Variants in KLK13 observed in about 807,000 individuals in gnomAD.
KLK13 encodes the protein kallikrein related peptidase 13, also known as kallikrein-13.
KLK13 carries 19 observed loss-of-function variants against 22.4 expected under a neutral mutation model. That is an observed-to-expected ratio of 0.85 (90% confidence interval 0.59 to 1.24). KLK13 has a LOEUF of 1.24. Ranked by LOEUF, KLK13 falls within the 50% of genes most tolerant of loss-of-function variation. The probability of loss-of-function intolerance (pLI) is 0.00; values close to 1 mark genes in which losing one functional copy is unlikely to be tolerated. For missense variants in KLK13, 311 were observed against 347.9 expected, an observed-to-expected ratio of 0.89 and a Z score of 0.84; for synonymous variants, 156 against 141.8, an observed-to-expected ratio of 1.10 and a Z score of -0.71.
At chr19:51,057,991 G>A (rs1245821029) in intron 4 of KLK13, among the ~76,000 whole-genome samples, 1 of 152,192 alleles carries the variant, frequency 6.6e-6, no homozygotes, top group Admixed American at 6.5e-5. Flanking sequence ...TCATGCTTAA[G>A]ACTTTTGTGT....
At chr19:51,064,733 T>G (rs10500306) in intron 1 of KLK13, 1 of 637,330 alleles carries the variant, frequency 1.6e-6, no homozygotes, top group Non-Finnish European at 2.9e-6. Flanking sequence ...CGCGAACCCA[T>G]GTCTTTCAGC....
intron 1 of KLK13, chr19:51,063,665 G>A (rs1477683755): frequency 3.5e-5 from 16 of 456,684 alleles, no homozygotes; most frequent in Non-Finnish European, 6.2e-5. Context: ...GAGTGGCACG[G>A]GCATGAATCC....
At chr19:51,063,582 C>T (rs1253854913) in intron 1 of KLK13, 2 of 444,190 alleles carry the variant, frequency 4.5e-6, no homozygotes, top group South Asian at 1.6e-5. Flanking sequence ...TACAATGCAC[C>T]TACCTCGCCA....
chr19:51,061,863 A>G (rs2091734487), intron 1 of KLK13, among the ~76,000 whole-genome samples: 1 of 151,408 alleles, frequency 6.6e-6, no homozygotes, highest in South Asian at 2.1e-4. Context: ...CCCATCTCCA[A>G]CCTCTTTCTT....
intron 1 of KLK13, among the ~76,000 whole-genome samples, chr19:51,063,087 T>C (rs543043079): frequency 3.0e-4 from 46 of 152,246 alleles, no homozygotes; most frequent in South Asian, 1.0e-3. Context: ...TAATATGGTT[T>C]TAACACCTCC....
chr19:51,064,796 T>G (rs2091765305), intron 1 of KLK13: 3 of 613,814 alleles, frequency 4.9e-6, no homozygotes, highest in Non-Finnish European at 8.8e-6. Flanking sequence ...TGCGAGGGTA[T>G]TTTGGGAGGT....
intron 3 of KLK13, 151 bp from the exon 4 acceptor site, chr19:51,058,825 A>G (rs2091699670): frequency 1.3e-6 from 1 of 765,448 alleles, no homozygotes; most frequent in Non-Finnish European, 2.2e-6. Flanking sequence ...ATCTGGGTAA[A>G]GCAACGGAAG....
chr19:51,059,595 A>T, intron 3 of KLK13: 1 of 244,536 alleles, frequency 4.1e-6, no homozygotes, highest in Non-Finnish European at 7.4e-6. Context: ...ATATTCATAT[A>T]TTAGATCTAT....
chr19:51,056,682 C>A lies in KLK13; in HGVS notation c.739G>T (p.Val247Phe). 6.2e-7 allele frequency: 1 copy of A among 1,614,120 alleles called. No individual in the cohort carries two copies. Among genetic ancestry groups the A allele is most frequent in the Non-Finnish European group, 8.5e-7 (1 of 1,180,024 alleles). ...FPCGQPDRPG[V>F]YTRVSRYVLW... ...ACGTATCTTGAGACACGGGTGTAGA[C>A]ACCAGGCCGGTCAGGTTGCCCACAT... The change falls in exon 5 of 5, where the codon GTC becomes TTC. Residue 247 changes from valine (V) to phenylalanine (F), a missense_variant. Physicochemically the swap from Val to Phe is conservative, Grantham distance 50. Coordinates refer to ENST00000595793, the MANE Select transcript of KLK13 (RefSeq NM_015596.3).
At chr19:51,062,401 A>G (rs920397255) in intron 1 of KLK13, among the ~76,000 whole-genome samples, 8 of 152,140 alleles carry the variant, frequency 5.3e-5, no homozygotes, top group African/African-American at 1.7e-4. Flanking sequence ...CAGAACAATG[A>G]TTGCTATTCA....
intron 1 of KLK13, among the ~76,000 whole-genome samples, chr19:51,061,181 TCATC>T (rs57784587): frequency 0.49 from 69,876 of 143,658 alleles, 17,059 homozygotes; most frequent in African/African-American, 0.57. Context: ...GTCCATTTAT[TCATC>T]CATCCATCCA....
At chr19:51,061,893 C>G (rs1039096382) in intron 1 of KLK13, among the ~76,000 whole-genome samples, 2 of 152,136 alleles carry the variant, frequency 1.3e-5, no homozygotes. Context: ...TCTAGTCCAG[C>G]CTCATGGGCC....
intron 1 of KLK13, among the ~76,000 whole-genome samples, chr19:51,062,807 A>C (rs2091742611): frequency 6.6e-6 from 1 of 152,146 alleles, no homozygotes; most frequent in Non-Finnish European, 1.5e-5. Flanking sequence ...CATGGAGAGC[A>C]CTCAGTCAGT....
Position 51,056,493 on chromosome 19 carries a change from A to G in KLK13, c.*94T>C. 7.8e-7 allele frequency: 1 copy of G among 1,279,104 alleles called. No individual in the cohort carries two copies. The highest frequency in any genetic ancestry group is 2.3e-5 in the East Asian group (1 of 42,938). The allele number at this position is 1,279,104 out of a possible 1,614,324, so 79.2% of individuals were successfully genotyped here. On this transcript the variant is annotated 3_prime_UTR_variant, in exon 5 of 5. Transcript: ENST00000595793. The stretch of plus-strand genomic sequence containing the variant: ...TTTCAGGACATGGATCACTGGTTCA[A>G]ATGGAACACTGGGAATAAGGAGCAG...
At position 51,056,440 on chromosome 19, in the gene KLK13, C is replaced by T; in HGVS notation, c.*147G>A. The T allele has an allele frequency of 1.2e-6, 1 of 850,734 alleles. No homozygotes were observed. The highest frequency in any genetic ancestry group is 1.7e-5 in the African/African-American group (1 of 59,146). The allele number at this position is 850,734 out of a possible 1,614,324, so 52.7% of individuals were successfully genotyped here. A position where few individuals can be genotyped will look rare whatever the true frequency, so the allele number is the denominator to read the frequency against. The stretch of plus-strand genomic sequence containing the variant: ...TGGCAGTGCCTGAATGCTTCTGAAA[C>T]ATGGAATGTTAGCTGAGATTGAGCA... On this transcript the variant is annotated 3_prime_UTR_variant, in exon 5 of 5. Coordinates refer to ENST00000595793, the MANE Select transcript of KLK13 (RefSeq NM_015596.3).
intron 1 of KLK13, chr19:51,063,763 C>G (rs1223412989): frequency 4.4e-6 from 2 of 458,448 alleles, no homozygotes; most frequent in African/African-American, 4.0e-5. Context: ...CCTCCTTTTT[C>G]AGGTCTTGGC....
rs1230193734 is a variant in KLK13 at position 51,060,581 on chromosome 19, C to T, written c.91G>A (p.Gly31Arg). Reference protein sequence around the residue: ...QESSKVLNTNGTSGFLPGGYT... With the variant: ...QESSKVLNTNRTSGFLPGGYT... Reference sequence around the variant, plus strand: ...CCACCTGGGAGAAACCCACTGGTCCCATTGGTGTTGAGAACCTTGGAAGAC... The same window carrying T: ...CCACCTGGGAGAAACCCACTGGTCCTATTGGTGTTGAGAACCTTGGAAGAC... The change falls in exon 2 of 5, where the codon GGG becomes AGG. Residue 31 changes from glycine to arginine, a missense_variant. Coordinates refer to ENST00000595793, the MANE Select transcript of KLK13 (RefSeq NM_015596.3). 4 of 1,612,468 alleles carry T rather than the reference C, an allele frequency of 2.5e-6. No homozygotes were observed. The East Asian group carries it at 8.9e-5, about 36-fold the overall frequency.
chr19:51,062,724 A>C (rs1375935053), intron 1 of KLK13, among the ~76,000 whole-genome samples: 1 of 152,172 alleles, frequency 6.6e-6, no homozygotes, highest in East Asian at 1.9e-4. Flanking sequence ...AAAAAGTAAT[A>C]GTTCATCTCT....
rs537783982 is a variant in KLK13, at chr19:51,058,055, A to C, written c.645+483T>G. On this transcript the variant is annotated intron_variant, in intron 4 of 4. Transcript: ENST00000595793. The stretch of plus-strand genomic sequence containing the variant: ...CTAATAGGGTTGCCTAGAGGGTAGG[A>C]TGTAAGCTCAAAGCTGCTGGGGCCA... Among the ~76,000 whole-genome samples the C allele has an allele frequency of 3.9e-5, 6 of 152,340 alleles. No homozygotes were observed. The East Asian group carries it at 1.2e-3, about 29-fold the overall frequency.
Sources: allele counts gnomAD v4.1 joint callset (sites outside exome capture counted in the v4.1 genomes callset), GRCh38; gene constraint gnomAD v4.1.1; transcripts MANE v1.5; gene names NCBI Gene and HGNC (gene_info 2026-07-23, HGNC 2026-07-21).